ANKRD31: variants seen among roughly 807,000 people sequenced by gnomAD.
ANKRD31 encodes ankyrin repeat domain 31.
ANKRD31 carries 147 observed loss-of-function variants against 186.0 expected under a neutral mutation model. The observed-to-expected ratio is 0.79, with a 90% CI of 0.69 to 0.91. The LOEUF is 0.91. Ranked by LOEUF, ANKRD31 falls within the 40% of genes least tolerant of loss-of-function variation. ANKRD31 has a pLI of 0.00. For missense variants in ANKRD31, 1,986 were observed against 2,148.8 expected (o/e 0.92, Z 1.50); for synonymous variants, 673 against 736.4 (o/e 0.91, Z 1.39).
intron 4 of ANKRD31, among the ~76,000 whole-genome samples, chr5:75,210,432 C>T (rs1346935092): frequency 6.6e-6 from 1 of 152,150 alleles, no homozygotes; most frequent in Non-Finnish European, 1.5e-5. Context: ...CCTTAGCCTC[C>T]CAGAGTGCTA....
intron 11 of ANKRD31, among the ~76,000 whole-genome samples, chr5:75,162,261 C>T (rs1243257644): frequency 6.6e-6 from 1 of 152,214 alleles, no homozygotes; most frequent in Non-Finnish European, 1.5e-5. Context: ...CTAGTATCAG[C>T]ATGACCTGGA....
chr5:75,165,737 G>A (rs1045016114), intron 11 of ANKRD31, among the ~76,000 whole-genome samples: 2 of 151,962 alleles, frequency 1.3e-5, no homozygotes, highest in African/African-American at 4.8e-5. Context: ...ACCAGAATTT[G>A]GGAAATTCTA....
At position 75,108,817 on chromosome 5, in the gene ANKRD31, C is replaced by T. The variant is rs1747541254; in HGVS notation, c.4244-1200G>A. Among the ~76,000 whole-genome samples the T allele has an allele frequency of 3.9e-5, 6 of 152,110 alleles. 1 individual carries two copies. The South Asian group carries it at 1.2e-3, about 32-fold the overall frequency. ...ATAAGAATTTAGACATAATTTTGTT[C>T]AGCAGATTTGACACTGTTTATTAAA... On this transcript the variant is annotated intron_variant, in intron 20 of 25. Transcript: ENST00000506364.
At chr5:75,080,516 A>C in intron 25 of ANKRD31, 52 bp downstream of exon 25, 1 of 1,273,844 alleles carries the variant, frequency 7.9e-7, no homozygotes, top group East Asian at 2.6e-5. Flanking sequence ...AATATGTAGA[A>C]TCTAAACACT....
At chr5:75,202,722 T>C (rs1263857570) in intron 5 of ANKRD31, among the ~76,000 whole-genome samples, 1 of 152,238 alleles carries the variant, frequency 6.6e-6, no homozygotes, top group South Asian at 2.1e-4. Context: ...CTATAAAAGC[T>C]AACAATTTAA....
intron 20 of ANKRD31, among the ~76,000 whole-genome samples, chr5:75,108,122 T>C (rs1284913201): frequency 6.6e-6 from 1 of 151,974 alleles, no homozygotes; most frequent in African/African-American, 2.4e-5. Flanking sequence ...TTTAGGGGTA[T>C]GTATGTTTGT....
At chr5:75,103,006 C>T (rs1024838634) in intron 22 of ANKRD31, among the ~76,000 whole-genome samples, 2 of 152,166 alleles carry the variant, frequency 1.3e-5, no homozygotes, top group East Asian at 1.9e-4. Context: ...TCTTCTGAGT[C>T]GCTCACTCTG....
rs1189840499 is a variant in ANKRD31 at position 75,146,839 on chromosome 5, G to A, written c.2572C>T (p.His858Tyr). The A allele has an allele frequency of 2.0e-6, 3 of 1,536,322 alleles. No individual in the cohort carries two copies. Among genetic ancestry groups the A allele is most frequent in the Admixed American group, 3.9e-5 (2 of 50,922 alleles). The change falls in exon 14 of 26, where the codon CAC (histidine) becomes TAC (tyrosine). Residue 858 changes from histidine (H) to tyrosine (Y), a missense_variant. By Grantham distance (83) the His-to-Tyr change is moderately conservative. Transcript: ENST00000506364. The stretch of plus-strand genomic sequence containing the variant: ...ACATGGTGTTGTTCCTGGAGAGTGT[G>A]AGGCTGCTTATCTGTAGTAACAACT... The part of the protein sequence containing the change: ...LPVVTTDKQP[H>Y]TLQEQHHVLY...
Position 75,148,658 on chromosome 5 carries a change from A to G in ANKRD31, c.1853-30T>C, listed in dbSNP as rs766759940. The G allele has an allele frequency of 1.3e-5, 20 of 1,502,332 alleles. No individual in the cohort carries two copies. In the African/African-American group the frequency reaches 1.5e-4, roughly 12 times the overall value. The allele number at this position is 1,502,332 out of a possible 1,614,324, so 93.1% of individuals were successfully genotyped here. A position where few individuals can be genotyped will look rare whatever the true frequency, so the allele number is the denominator to read the frequency against. ...AAACAAAAAGAGAAAATCAATGAAA[A>G]CAGCTTCTAGTGTTTAGACTTTAGA... On this transcript the variant is annotated intron_variant, in intron 12 of 25. Transcript: ENST00000506364.
chr5:75,155,695 G>A (rs1752118483), intron 11 of ANKRD31, among the ~76,000 whole-genome samples: 1 of 152,124 alleles, frequency 6.6e-6, no homozygotes, highest in Admixed American at 6.6e-5. Flanking sequence ...TATGGAATGA[G>A]AGGAAGGATA....
chr5:75,235,541 A>G (rs1255001620), intron 1 of ANKRD31, among the ~76,000 whole-genome samples: 1 of 151,936 alleles, frequency 6.6e-6, no homozygotes, highest in Non-Finnish European at 1.5e-5. Context: ...CAGACAGTAA[A>G]CCTATTTTTA....
At chr5:75,199,522 T>A (rs535810774) in intron 6 of ANKRD31, 109 bp downstream of exon 6, 20 of 688,424 alleles carry the variant, frequency 2.9e-5, no homozygotes, top group Non-Finnish European at 4.2e-5. Flanking sequence ...CGAAATGGTT[T>A]AGTAGATGAG....
Position 75,196,196 on chromosome 5 carries a change from A to C in ANKRD31, c.452T>G (p.Leu151Arg). The C allele has an allele frequency of 6.8e-6, 10 of 1,468,408 alleles. No homozygotes were observed. The highest frequency in any genetic ancestry group is 8.9e-6 in the Non-Finnish European group (10 of 1,118,586). The allele number at this position is 1,468,408 out of a possible 1,614,324, so 91.0% of individuals were successfully genotyped here. A position where few individuals can be genotyped will look rare whatever the true frequency, so the allele number is the denominator to read the frequency against. The change falls in exon 7 of 26, where the codon CTA becomes CGA. Residue 151 changes from leucine to arginine, a missense_variant. Transcript: ENST00000506364. ...TTCAGGAGAATCTCTGCCTTCACTT[A>C]GTTCCTGTGTATTACAAATAGAAAT... Reference protein sequence around the residue: ...PEVLPHIEKELSEGRDSPEVS... With the variant: ...PEVLPHIEKERSEGRDSPEVS...
Position 75,195,638 on chromosome 5 carries a change from AT to A in ANKRD31, c.1009del (p.Ile337Ter). 6.6e-7 allele frequency: 1 copy of A among 1,520,694 alleles called. No homozygotes were observed. Among genetic ancestry groups the A allele is most frequent in the Non-Finnish European group, 8.8e-7 (1 of 1,138,970 alleles). 94.2% of individuals were successfully genotyped at this position (1,520,694 alleles called of 1,614,324 possible). A position where few individuals can be genotyped will look rare whatever the true frequency, so the allele number is the denominator to read the frequency against. On this transcript the variant is annotated frameshift_variant, in exon 7 of 26. Transcript: ENST00000506364. LOFTEE classifies it high-confidence loss of function. Reference sequence around the variant, plus strand: ...AAGAAATTCAAAATTCACCTCTGCTATTTGTGTACAATCTTCATTGGTCTGA... The same window carrying A: ...AAGAAATTCAAAATTCACCTCTGCTATTGTGTACAATCTTCATTGGTCTGA... Reference protein sequence around the residue: ...TSQTNEDCTQIAETLQDPNPS... With the variant: ...TSQTNEDCTQXAETLQDPNPS...
At chr5:75,178,644 T>C (rs1428240264) in intron 10 of ANKRD31, among the ~76,000 whole-genome samples, 1 of 152,092 alleles carries the variant, frequency 6.6e-6, no homozygotes, top group African/African-American at 2.4e-5. Flanking sequence ...ACTGGGTACA[T>C]AATGAAATGA....
intron 10 of ANKRD31, among the ~76,000 whole-genome samples, chr5:75,180,621 T>C (rs373976743): frequency 5.3e-5 from 8 of 152,100 alleles, no homozygotes; most frequent in South Asian, 2.1e-4. Context: ...CTGACAAAAA[T>C]AAGAAATGGG....
intron 25 of ANKRD31, among the ~76,000 whole-genome samples, chr5:75,076,779 C>A (rs552720441): frequency 3.4e-4 from 51 of 152,200 alleles, no homozygotes; most frequent in African/African-American, 1.1e-3. Context: ...CAAAAGATGC[C>A]TATATCACTC....
At chr5:75,236,122 C>A (rs1351546035) in intron 1 of ANKRD31, among the ~76,000 whole-genome samples, 2 of 152,134 alleles carry the variant, frequency 1.3e-5, no homozygotes, top group African/African-American at 4.8e-5. Context: ...TTTTTGGATT[C>A]GTATAAAACT....
rs375396947 is a variant in ANKRD31, at chr5:75,225,578, A to T, written c.179-3220T>A. 5.4e-5 allele frequency: 14 copies of T among 258,750 alleles called. No homozygotes were observed. The South Asian group carries it at 5.9e-4, about 11-fold the overall frequency. The allele number at this position is 258,750 out of a possible 1,614,324, so 16.0% of individuals were successfully genotyped here. On this transcript the variant is annotated intron_variant, in intron 2 of 25. Coordinates refer to ENST00000506364, the MANE Select transcript of ANKRD31 (RefSeq NM_001372053.1). Reference sequence around the variant, plus strand: ...AGGGTTTGTCAATGAGACAGATCAGATTCCAATTTGACAGGCAACCAATAA... The same window carrying T: ...AGGGTTTGTCAATGAGACAGATCAGTTTCCAATTTGACAGGCAACCAATAA...
Sources: allele counts gnomAD v4.1 joint callset (sites outside exome capture counted in the v4.1 genomes callset), GRCh38; gene constraint gnomAD v4.1.1; transcripts MANE v1.5; gene names NCBI Gene and HGNC (gene_info 2026-07-23, HGNC 2026-07-21).